The following NELL1 variants were observed in gnomAD, a reference collection of about 807,000 sequenced individuals.
The protein encoded by NELL1 is protein kinase C-binding protein NELL1.
In NELL1, 76 loss-of-function variants were observed where a neutral mutation model predicts 107.4. The observed-to-expected ratio is 0.71, with a 90% CI of 0.59 to 0.86. NELL1 has a LOEUF of 0.86. NELL1 is among the 40% of genes least tolerant of loss of function. NELL1 has a pLI of 0.00. For missense variants in NELL1, 1,024 were observed against 1,005.5 expected (o/e 1.02, Z -0.25); for synonymous variants, 353 against 341.2 (o/e 1.03, Z -0.38).
chr11:20,999,423 G>T (rs1176243747), intron 12 of NELL1, among the ~76,000 whole-genome samples: 1 of 152,098 alleles, frequency 6.6e-6, no homozygotes, highest in Non-Finnish European at 1.5e-5. Flanking sequence ...ATTTTAAATG[G>T]TGACAACCAC....
At chr11:21,083,407 T>C (rs1437228670) in intron 12 of NELL1, among the ~76,000 whole-genome samples, 2 of 152,128 alleles carry the variant, frequency 1.3e-5, no homozygotes, top group Non-Finnish European at 2.9e-5. Context: ...AAAGGAGGCT[T>C]GGAGAAACAA....
intron 14 of NELL1, among the ~76,000 whole-genome samples, chr11:21,341,009 C>T (rs998245451): frequency 1.3e-5 from 2 of 152,124 alleles, no homozygotes; most frequent in Non-Finnish European, 2.9e-5. Context: ...TCTCTGCCCC[C>T]CTATAATGAG....
intron 3 of NELL1, among the ~76,000 whole-genome samples, chr11:20,794,520 TG>T (rs1857133978): frequency 6.6e-6 from 1 of 152,182 alleles, no homozygotes; most frequent in South Asian, 2.1e-4. Flanking sequence ...GTGCTACACA[TG>T]GGAGGCTGTG....
rs1170821516 is a variant in NELL1, at chr11:21,477,143, A to G, written c.1646-57231A>G. ...GCTTGGTGGCCAAGGGAGTGCTTGC[A>G]CCACCCCTCCCCCAAGCCCAGACAG... On this transcript the variant is annotated intron_variant, in intron 15 of 19. Transcript: ENST00000357134. Among the ~76,000 whole-genome samples the G allele has an allele frequency of 3.3e-5, 5 of 152,154 alleles. No individual in the cohort carries two copies. The South Asian group carries it at 1.0e-3, about 31-fold the overall frequency.
At chr11:21,076,002 C>G (rs1045549943) in intron 12 of NELL1, among the ~76,000 whole-genome samples, 5 of 152,126 alleles carry the variant, frequency 3.3e-5, no homozygotes, top group Non-Finnish European at 7.3e-5. Flanking sequence ...TTTTTATAAA[C>G]ACATACAAAC....
chr11:21,276,001 T>G (rs1222160382), intron 14 of NELL1, among the ~76,000 whole-genome samples: 1 of 152,200 alleles, frequency 6.6e-6, no homozygotes, highest in Admixed American at 6.5e-5. Flanking sequence ...AAGACAGGGA[T>G]GCCGTCTCTC....
intron 12 of NELL1, among the ~76,000 whole-genome samples, chr11:20,970,635 G>A (rs932391698): frequency 2.6e-5 from 4 of 152,180 alleles, no homozygotes; most frequent in East Asian, 1.9e-4. Context: ...GAGGTATGCA[G>A]GAAGGCCATT....
intron 14 of NELL1, among the ~76,000 whole-genome samples, chr11:21,365,488 A>C (rs1851199155): frequency 6.6e-6 from 1 of 152,166 alleles, no homozygotes; most frequent in South Asian, 2.1e-4. Flanking sequence ...ATCAGGCTTT[A>C]CTGCAGTGCC....
At chr11:21,190,354 A>G (rs938025314) in intron 13 of NELL1, among the ~76,000 whole-genome samples, 1 of 151,816 alleles carries the variant, frequency 6.6e-6, no homozygotes, top group Admixed American at 6.6e-5. Context: ...TCTGTCTCCA[A>G]AACAAAAAAC....
In NELL1 at chr11:21,170,719, A is replaced by G. The variant is rs917273451; in HGVS notation, c.1426+57005A>G. ...TATATACTGTATTATATATATATAT[A>G]TCTGTCACTCTATATAAAGTATATG... On this transcript the variant is annotated intron_variant, in intron 13 of 19. Coordinates refer to ENST00000357134, the MANE Select transcript of NELL1 (RefSeq NM_006157.5). 2.0e-4 allele frequency among the ~76,000 whole-genome samples: 26 copies of G among 132,052 alleles called. 2 individuals carry two copies. The highest frequency in any genetic ancestry group is 5.9e-4 in the African/African-American group (21 of 35,302). 86.6% of individuals were successfully genotyped at this position (132,052 alleles called of 152,430 possible).
At chr11:20,826,033 C>G (rs965434683) in intron 3 of NELL1, among the ~76,000 whole-genome samples, 4 of 151,318 alleles carry the variant, frequency 2.6e-5, no homozygotes, top group African/African-American at 9.7e-5. Context: ...GCTTTCCCCA[C>G]TTTGCTCTGC....
At chr11:21,553,747 C>A (rs1856643699) in intron 16 of NELL1, among the ~76,000 whole-genome samples, 1 of 151,646 alleles carries the variant, frequency 6.6e-6, no homozygotes, top group African/African-American at 2.4e-5. Context: ...AAGATAAGAC[C>A]AGAATCTTAC....
chr11:21,252,764 A>G (rs111271899), intron 14 of NELL1, among the ~76,000 whole-genome samples: 1 of 152,140 alleles, frequency 6.6e-6, no homozygotes, highest in African/African-American at 2.4e-5. Flanking sequence ...AAGAAGGAAA[A>G]CACTCAGGAT....
At chr11:21,366,778 C>A (rs913406933) in intron 14 of NELL1, among the ~76,000 whole-genome samples, 11 of 152,078 alleles carry the variant, frequency 7.2e-5, no homozygotes, top group African/African-American at 2.7e-4. Flanking sequence ...AAAAGGTTTA[C>A]CTTCTAACAG....
At chr11:21,572,228 CAT>C (rs1361546686) in intron 18 of NELL1, among the ~76,000 whole-genome samples, 1 of 151,790 alleles carries the variant, frequency 6.6e-6, no homozygotes, top group Non-Finnish European at 1.5e-5. Context: ...ATGAAATTTT[CAT>C]AGATAGAATT....
chr11:21,147,208 T>C (rs1243431925), intron 13 of NELL1, among the ~76,000 whole-genome samples: 1 of 152,162 alleles, frequency 6.6e-6, no homozygotes, highest in East Asian at 1.9e-4. Context: ...ACAGTTCTCA[T>C]GCTTAAATTA....
chr11:21,264,397 G>T (rs1848597855), intron 14 of NELL1, among the ~76,000 whole-genome samples: 1 of 151,842 alleles, frequency 6.6e-6, no homozygotes. Context: ...GTGCCCAGTG[G>T]AGGCCATGTT....
chr11:21,223,392 A>C (rs1434433245), intron 13 of NELL1, among the ~76,000 whole-genome samples: 2 of 151,822 alleles, frequency 1.3e-5, no homozygotes, highest in Non-Finnish European at 2.9e-5. Flanking sequence ...ACTTCTGCTC[A>C]CTTTTGATAT....
At chr11:21,216,492 A>T (rs1331335718) in intron 13 of NELL1, among the ~76,000 whole-genome samples, 1 of 152,222 alleles carries the variant, frequency 6.6e-6, no homozygotes, top group Non-Finnish European at 1.5e-5. Context: ...TCATGAAAGC[A>T]GCTGGGAGAG....
Sources: gnomAD v4.1 joint callset for allele counts (sites outside exome capture counted in the v4.1 genomes callset) on GRCh38, gnomAD v4.1.1 for gene constraint, MANE v1.5 for transcripts, NCBI Gene and HGNC (gene_info 2026-07-23, HGNC 2026-07-21) for gene names.